Variants in MGLL observed in about 807,000 individuals in gnomAD.
MGLL encodes the protein monoglyceride lipase.
Under a neutral mutation model 29.1 loss-of-function variants are expected in MGLL, and 7 were observed. The observed-to-expected ratio is 0.24, with a 90% CI of 0.14 to 0.45. The LOEUF (loss-of-function observed/expected upper bound fraction) is 0.45. Among genes scored for constraint, MGLL ranks in the 20% least tolerant of loss-of-function variants. The pLI is 0.99. For synonymous variants in MGLL, 148 were observed against 168.3 expected (o/e 0.88, Z 0.93); for missense variants, 356 against 413.6 (o/e 0.86, Z 1.21).
intron 5 of MGLL, chr3:127,715,825 A>G (rs2075803402): frequency 2.2e-6 from 1 of 456,624 alleles, no homozygotes; most frequent in Non-Finnish European, 4.4e-6. Context: ...TGAGCACACC[A>G]GGGAAGCCTC....
At chr3:127,736,465 C>T (rs892747905) in intron 3 of MGLL, 3 of 544,350 alleles carry the variant, frequency 5.5e-6, no homozygotes, top group South Asian at 8.0e-5. Context: ...GGCTCCGCTG[C>T]CCTGGAGACT....
chr3:127,781,239 T>C (rs888589112), intron 3 of MGLL, among the ~76,000 whole-genome samples: 2 of 152,192 alleles, frequency 1.3e-5, no homozygotes, highest in Non-Finnish European at 2.9e-5. Flanking sequence ...TGTATGTGTG[T>C]GCATGTGTAT....
intron 3 of MGLL, among the ~76,000 whole-genome samples, chr3:127,742,145 C>T (rs1209707250): frequency 2.6e-5 from 4 of 152,212 alleles, no homozygotes; most frequent in Non-Finnish European, 4.4e-5. Context: ...TTCAACTTGA[C>T]ATTTCATTGT....
intron 3 of MGLL, among the ~76,000 whole-genome samples, chr3:127,775,249 A>G (rs1030466772): frequency 1.3e-5 from 2 of 152,258 alleles, no homozygotes; most frequent in Non-Finnish European, 2.9e-5. Flanking sequence ...GAACTCTTGA[A>G]GACTTAAAGG....
In MGLL at chr3:127,822,372, G is replaced by A. The variant is rs938273233; in HGVS notation, c.-54C>T. 39 of 1,603,320 alleles carry A rather than the reference G, an allele frequency of 2.4e-5. No homozygotes were observed. Among genetic ancestry groups the A allele is most frequent in the Non-Finnish European group, 3.2e-5 (37 of 1,170,436 alleles). On this transcript the variant is annotated 5_prime_UTR_variant, in exon 1 of 8. Coordinates refer to ENST00000265052, the MANE Select transcript of MGLL (RefSeq NM_007283.7). ...ACGACAGCCTGGAGAATCAGAACCA[G>A]GCAAATCGGGCTGTTCCCTCATCTG...
chr3:127,702,842 A>G (rs1464178261), intron 6 of MGLL, among the ~76,000 whole-genome samples: 1 of 152,016 alleles, frequency 6.6e-6, no homozygotes, highest in Non-Finnish European at 1.5e-5. Context: ...TTACAGGCAC[A>G]CGCCACCATG....
In MGLL at chr3:127,710,557, G is replaced by A; in HGVS notation, c.600+19C>T. ...GGCAGCCACCCAAGCTACCCCTGGG[G>A]TTTCGGAAAGCCTCTCACCTCTGTC... is the stretch of plus-strand genomic sequence containing the variant. On this transcript the variant is annotated intron_variant, in intron 6 of 7. Transcript: ENST00000265052. 1 of 1,540,578 alleles carries A rather than the reference G, an allele frequency of 6.5e-7. No individual in the cohort carries two copies. The highest frequency in any genetic ancestry group is 8.8e-7 in the Non-Finnish European group (1 of 1,136,506).
chr3:127,754,816 G>A (rs930208426), intron 3 of MGLL, among the ~76,000 whole-genome samples: 18 of 152,310 alleles, frequency 1.2e-4, no homozygotes, highest in African/African-American at 2.6e-4. Flanking sequence ...GAGCGAGAAC[G>A]TCATCAGAGA....
chr3:127,691,356 C>G lies in MGLL; in HGVS notation c.*842G>C, dbSNP rs2075239366. ...CCCTTGCTCCCTCCCACCTATCCAC[C>G]AAAATAGTCTCTGCTTTAAAATATA... On this transcript the variant is annotated 3_prime_UTR_variant, in exon 8 of 8. Transcript: ENST00000265052. The G allele has an allele frequency of 1.3e-5, 2 of 152,354 alleles. No homozygotes were observed. The highest frequency in any genetic ancestry group is 3.8e-4 in the East Asian group (2 of 5,204). The allele number at this position is 152,354 out of a possible 1,614,324, so 9.4% of individuals were successfully genotyped here. A position where few individuals can be genotyped will look rare whatever the true frequency, so the allele number is the denominator to read the frequency against.
intron 2 of MGLL, among the ~76,000 whole-genome samples, chr3:127,796,403 A>G (rs993911649): frequency 5.9e-5 from 9 of 152,238 alleles, no homozygotes; most frequent in African/African-American, 2.2e-4. Context: ...CCTTTAGTGC[A>G]CAATGAATCT....
At chr3:127,779,568 C>T (rs2077089561) in intron 3 of MGLL, among the ~76,000 whole-genome samples, 1 of 151,894 alleles carries the variant, frequency 6.6e-6, no homozygotes, top group Non-Finnish European at 1.5e-5. Context: ...CTTACATAAC[C>T]TCAGCAATGC....
At chr3:127,703,441 A>T (rs1449467821) in intron 6 of MGLL, among the ~76,000 whole-genome samples, 1 of 152,238 alleles carries the variant, frequency 6.6e-6, no homozygotes, top group African/African-American at 2.4e-5. Flanking sequence ...TAGATCGAGG[A>T]CAACAAGGGG....
chr3:127,806,066 A>G (rs894270914), intron 2 of MGLL, among the ~76,000 whole-genome samples: 1 of 152,220 alleles, frequency 6.6e-6, no homozygotes, highest in East Asian at 1.9e-4. Flanking sequence ...GAGCCTGACA[A>G]TGCCCATCTT....
At position 127,695,157 on chromosome 3, in the gene MGLL, G is replaced by A. The variant is rs776639933; in HGVS notation, c.634C>T (p.Arg212Trp). Residue 212 changes from arginine to tryptophan, a missense_variant, in exon 7 of 8, where the codon CGG becomes TGG. Arg to Trp is a moderately radical substitution (Grantham distance 101). Transcript: ENST00000265052. The stretch of plus-strand genomic sequence containing the variant: ...CCGAAGCACACCTTCAGCCCTGCCC[G>A]GCAGATCAGGGGGTCTGAGTTATAA... ...DIYNSDPLIC[R>W]AGLKVCFGIQ... is the part of the protein sequence containing the mutation. The A allele has an allele frequency of 4.3e-6, 7 of 1,614,120 alleles. No individual in the cohort carries two copies. The highest frequency in any genetic ancestry group is 1.1e-5 in the South Asian group (1 of 91,086).
intron 2 of MGLL, among the ~76,000 whole-genome samples, chr3:127,803,127 G>A (rs1000642004): frequency 9.2e-5 from 14 of 151,916 alleles, no homozygotes; most frequent in South Asian, 4.2e-4. Flanking sequence ...TTACAGGTGC[G>A]TCCCCTCACA....
At chr3:127,806,526 A>C (rs886493560) in intron 2 of MGLL, among the ~76,000 whole-genome samples, 3 of 151,742 alleles carry the variant, frequency 2.0e-5, no homozygotes, top group African/African-American at 7.3e-5. Context: ...GGATGGATGG[A>C]TGGATGGATG....
At chr3:127,741,874 T>G (rs2076347251) in intron 3 of MGLL, among the ~76,000 whole-genome samples, 1 of 152,262 alleles carries the variant, frequency 6.6e-6, no homozygotes, top group African/African-American at 2.4e-5. Flanking sequence ...ATCTGTGATT[T>G]TTTTGCACAT....
chr3:127,793,497 G>A (rs536748284), intron 2 of MGLL, among the ~76,000 whole-genome samples: 28 of 152,244 alleles, frequency 1.8e-4, no homozygotes, highest in Admixed American at 5.2e-4. Context: ...TAGATCCCAC[G>A]GAATCTTTTC....
intron 3 of MGLL, among the ~76,000 whole-genome samples, chr3:127,758,323 T>C (rs1156784448): frequency 6.6e-6 from 1 of 152,266 alleles, no homozygotes; most frequent in East Asian, 1.9e-4. Flanking sequence ...AGTCATTTAT[T>C]GCTGCTCATT....
Sources: gnomAD v4.1 joint callset for allele counts (sites outside exome capture counted in the v4.1 genomes callset) on GRCh38, gnomAD v4.1.1 for gene constraint, MANE v1.5 for transcripts, NCBI Gene and HGNC (gene_info 2026-07-23, HGNC 2026-07-21) for gene names.